The following PTCHD4 variants were observed in gnomAD, a reference collection of about 807,000 sequenced individuals.
PTCHD4 encodes the protein patched domain containing 4.
PTCHD4 carries 33 observed loss-of-function variants against 58.1 expected under a neutral mutation model. The observed-to-expected ratio is 0.57, with a 90% CI of 0.43 to 0.76. PTCHD4 has a LOEUF of 0.76. Ranked by LOEUF, PTCHD4 falls within the 30% of genes least tolerant of loss-of-function variation. PTCHD4 has a pLI of 0.00. For synonymous variants in PTCHD4, 478 were observed against 409.6 expected, an observed-to-expected ratio of 1.17 and a Z score of -2.02; for missense variants, 1,058 against 1,027.1, an observed-to-expected ratio of 1.03 and a Z score of -0.41.
intron 3 of PTCHD4, among the ~76,000 whole-genome samples, chr6:48,050,416 C>T (rs370148649): frequency 1.4e-4 from 22 of 151,886 alleles, no homozygotes; most frequent in African/African-American, 2.9e-4. Context: ...TTATGGACAA[C>T]GAAACTGAAG....
At chr6:48,041,257 C>G (rs1338211637) in intron 3 of PTCHD4, among the ~76,000 whole-genome samples, 1 of 152,014 alleles carries the variant, frequency 6.6e-6, no homozygotes, top group African/African-American at 2.4e-5. Context: ...GCTACCACCT[C>G]TTGTAGTTTC....
At chr6:48,102,370 A>G (rs1329210312) in intron 1 of PTCHD4, among the ~76,000 whole-genome samples, 3 of 152,182 alleles carry the variant, frequency 2.0e-5, no homozygotes, top group Non-Finnish European at 2.9e-5. Context: ...GGGTTATCTT[A>G]CCCTGAGATG....
chr6:48,066,095 T>G (rs1012333745), intron 3 of PTCHD4, among the ~76,000 whole-genome samples: 2 of 150,836 alleles, frequency 1.3e-5, no homozygotes, highest in Non-Finnish European at 3.0e-5. Context: ...GACACTGACA[T>G]CTACTTTTTT....
At chr6:48,029,069 T>G (rs76169536) in intron 3 of PTCHD4, among the ~76,000 whole-genome samples, 1 of 152,098 alleles carries the variant, frequency 6.6e-6, no homozygotes. Context: ...ATGAAATTCC[T>G]ACAAACTTGA....
intron 1 of PTCHD4, among the ~76,000 whole-genome samples, chr6:48,091,790 C>T (rs1446673413): frequency 1.3e-5 from 2 of 151,888 alleles, no homozygotes; most frequent in African/African-American, 4.8e-5. Flanking sequence ...GGATTAAAGG[C>T]CCGTGCCACC....
At chr6:47,944,978 G>T (rs1032668292) in intron 4 of PTCHD4, among the ~76,000 whole-genome samples, 1 of 152,082 alleles carries the variant, frequency 6.6e-6, no homozygotes, top group Non-Finnish European at 1.5e-5. Context: ...GTAGAGTCAT[G>T]CATCCAGAAG....
In PTCHD4 at chr6:47,917,869, A is replaced by C. The variant is rs147860184; in HGVS notation, c.899-37933T>G. 1.8e-3 allele frequency among the ~76,000 whole-genome samples: 270 copies of C among 152,286 alleles called. 2 individuals carry two copies. The highest frequency in any genetic ancestry group is 5.7e-3 in the African/African-American group (235 of 41,568). ...TGAATAATATAGTTGTAACCATGAA[A>C]AGTGTACAAGAAATAGAAAAATTAA... On this transcript the variant is annotated intron_variant, in intron 4 of 4. Coordinates refer to ENST00000339488, the MANE Select transcript of PTCHD4 (RefSeq NM_001384253.1).
intron 4 of PTCHD4, chr6:47,902,056 A>G (rs1764727084): frequency 8.2e-6 from 4 of 488,238 alleles, no homozygotes; most frequent in Non-Finnish European, 1.5e-5. Context: ...CATCATCAAC[A>G]ACAACAGCAA....
At chr6:48,027,285 GT>G (rs986755289) in intron 3 of PTCHD4, among the ~76,000 whole-genome samples, 1 of 151,808 alleles carries the variant, frequency 6.6e-6, no homozygotes, top group Non-Finnish European at 1.5e-5. Context: ...TAACCCAAAT[GT>G]TTTTTTCCAG....
intron 4 of PTCHD4, among the ~76,000 whole-genome samples, chr6:48,006,460 C>T (rs1449053226): frequency 1.3e-5 from 2 of 152,098 alleles, no homozygotes; most frequent in African/African-American, 4.8e-5. Flanking sequence ...TAGAAAGCAA[C>T]CCTGGAAAGC....
At chr6:48,102,229 A>C (rs2113913424) in intron 1 of PTCHD4, among the ~76,000 whole-genome samples, 1 of 152,336 alleles carries the variant, frequency 6.6e-6, no homozygotes, top group Non-Finnish European at 1.5e-5. Flanking sequence ...AGCAAAGTTC[A>C]ATCCAGAGAA....
At chr6:47,935,096 G>A (rs918678045) in intron 4 of PTCHD4, among the ~76,000 whole-genome samples, 24 of 152,116 alleles carry the variant, frequency 1.6e-4, no homozygotes. Context: ...TTTGTGTGAT[G>A]GAGTCATAGA....
chr6:48,051,547 C>A (rs1276529515), intron 3 of PTCHD4, among the ~76,000 whole-genome samples: 1 of 151,858 alleles, frequency 6.6e-6, no homozygotes, highest in East Asian at 1.9e-4. Context: ...CTGGCCAGGT[C>A]CTGTGGATGA....
At chr6:48,105,008 C>A (rs1765688619) in intron 1 of PTCHD4, among the ~76,000 whole-genome samples, 1 of 152,162 alleles carries the variant, frequency 6.6e-6, no homozygotes, top group African/African-American at 2.4e-5. Flanking sequence ...TAATGGGAGA[C>A]TTTAACAGCC....
chr6:48,095,987 T>A (rs1765463500), intron 1 of PTCHD4, among the ~76,000 whole-genome samples: 2 of 152,276 alleles, frequency 1.3e-5, no homozygotes, highest in South Asian at 4.1e-4. Flanking sequence ...ATATTCACAA[T>A]ATTTTTGTTG....
intron 4 of PTCHD4, among the ~76,000 whole-genome samples, chr6:47,886,582 T>G (rs988972614): frequency 6.6e-6 from 1 of 152,186 alleles, no homozygotes; most frequent in South Asian, 2.1e-4. Flanking sequence ...TTTCAATAAT[T>G]GTGTTTGTGA....
intron 4 of PTCHD4, among the ~76,000 whole-genome samples, chr6:47,941,740 G>A (rs979430850): frequency 6.6e-6 from 1 of 152,188 alleles, no homozygotes; most frequent in Non-Finnish European, 1.5e-5. Flanking sequence ...CTACCTTACA[G>A]GGTGGTTATG....
intron 3 of PTCHD4, among the ~76,000 whole-genome samples, chr6:48,032,262 A>T (rs1382085597): frequency 6.6e-6 from 1 of 152,178 alleles, no homozygotes; most frequent in Non-Finnish European, 1.5e-5. Flanking sequence ...AGACATCTGT[A>T]AAGATGGAAA....
In PTCHD4 at chr6:47,864,012, C is replaced by T. The variant is rs2114063281; in HGVS notation, c.*14291G>A. Among the ~76,000 whole-genome samples, 1 of 152,102 alleles carries T rather than the reference C, an allele frequency of 6.6e-6. No individual in the cohort carries two copies. The highest frequency in any genetic ancestry group is 2.1e-4 in the South Asian group (1 of 4,826). ...GGTGAGAAGCTGACCTTTGTCCTCA[C>T]CTTCTTCCCTGGACAGATTTAATCC... On this transcript the variant is annotated 3_prime_UTR_variant, in exon 5 of 5. Transcript: ENST00000339488.
Sources: gnomAD v4.1 joint callset for allele counts (sites outside exome capture counted in the v4.1 genomes callset) on GRCh38, gnomAD v4.1.1 for gene constraint, MANE v1.5 for transcripts, NCBI Gene and HGNC (gene_info 2026-07-23, HGNC 2026-07-21) for gene names.